The following CATSPER4 variants were observed in gnomAD, a reference collection of about 807,000 sequenced individuals.
CATSPER4 encodes the protein cation channel sperm associated 4, also known as cation channel sperm-associated protein 4.
Under a neutral mutation model 54.4 loss-of-function variants are expected in CATSPER4, and 46 were observed. The observed-to-expected ratio is 0.84, with a 90% CI of 0.67 to 1.08. The LOEUF (loss-of-function observed/expected upper bound fraction) is 1.08, where lower values mean the gene tolerates loss of function less well. Ranked by LOEUF, CATSPER4 falls within the 50% of genes least tolerant of loss-of-function variation. The pLI, the probability that CATSPER4 is intolerant of heterozygous loss-of-function variation, is 0.00. For synonymous variants in CATSPER4, 230 were observed against 231.9 expected, an observed-to-expected ratio of 0.99 and a Z score of 0.08; for missense variants, 574 against 612.8, an observed-to-expected ratio of 0.94 and a Z score of 0.67.
chr1:26,194,134 C>T (rs2088906578), intron 3 of CATSPER4, among the ~76,000 whole-genome samples: 1 of 152,250 alleles, frequency 6.6e-6, no homozygotes, highest in Admixed American at 6.5e-5. Context: ...ACAAACCTGA[C>T]TTCCTTGTCT....
At position 26,200,048 on chromosome 1, in the gene CATSPER4, C is replaced by A. The variant is rs192364229; in HGVS notation, c.977C>A (p.Thr326Asn). The change falls in exon 7 of 10, where the codon ACC (threonine) becomes AAC (asparagine). Residue 326 changes from threonine to asparagine, a missense_variant. Physicochemically the swap from Thr to Asn is moderately conservative, Grantham distance 65. Coordinates refer to ENST00000456354, the MANE Select transcript of CATSPER4 (RefSeq NM_198137.2). ...AGEQGQQQRI[T>N]FSETGAEEEE... ...GAGCAGGGACAACAGCAACGAATAA[C>A]CTTTAGTGAGGTGCGTGGGATGGGG... 165 of 1,613,354 alleles carry A rather than the reference C, an allele frequency of 1.0e-4. No individual in the cohort carries two copies. The East Asian group carries it at 3.0e-3, about 30-fold the overall frequency.
At chr1:26,200,577 A>G (rs906662941) in intron 7 of CATSPER4, among the ~76,000 whole-genome samples, 23 of 150,934 alleles carry the variant, frequency 1.5e-4, no homozygotes, top group Non-Finnish European at 2.8e-4. Context: ...GGTAGGGTTT[A>G]TCAGGGTTGA....
rs544019345 is a variant in CATSPER4, at chr1:26,191,346, C to G, written c.273C>G (p.His91Gln). 2 of 1,614,178 alleles carry G rather than the reference C, an allele frequency of 1.2e-6. No homozygotes were observed. The highest frequency in any genetic ancestry group is 1.1e-5 in the South Asian group (1 of 91,090). The change falls in exon 2 of 10, where the codon CAC becomes CAG. Residue 91 changes from histidine (H) to glutamine (Q), a missense_variant. Transcript: ENST00000456354. The stretch of plus-strand genomic sequence containing the variant: ...TGTACATCAAGCAGCTGCTCCGACA[C>G]CCCGCCTTCCAACTGCTGCTGGCCC... Reference protein sequence around the residue: ...THMYIKQLLRHPAFQLLLALL... With the variant: ...THMYIKQLLRQPAFQLLLALL...
At chr1:26,192,872 A>G (rs2088887774) in intron 2 of CATSPER4, among the ~76,000 whole-genome samples, 1 of 151,958 alleles carries the variant, frequency 6.6e-6, no homozygotes. Flanking sequence ...TGAGAGGTCA[A>G]GACAGGCAGA....
chr1:26,199,395 G>A (rs557852679), intron 6 of CATSPER4, among the ~76,000 whole-genome samples: 1 of 149,010 alleles, frequency 6.7e-6, no homozygotes, highest in East Asian at 2.0e-4. Context: ...TCACGCCACT[G>A]CACTCCAGCT....
chr1:26,201,208 T>C (rs869139), intron 8 of CATSPER4, 146 bp from the exon 9 acceptor site: 423,779 of 988,118 alleles, frequency 0.43, 98,087 homozygotes, highest in African/African-American at 0.68. Flanking sequence ...CCAGGTTCCT[T>C]CCATCTCACA....
In CATSPER4 at chr1:26,201,061, C is replaced by T. The variant is rs370284497; in HGVS notation, c.1199+20C>T. ...CAACATGTAGGGGAGGGTACTGGGG[C>T]TGCCCCCAAGTCATGTGAGTCAAGG... On this transcript the variant is annotated intron_variant, in intron 8 of 9. Coordinates refer to ENST00000456354, the MANE Select transcript of CATSPER4 (RefSeq NM_198137.2). The T allele has an allele frequency of 6.3e-7, 1 of 1,586,660 alleles. No individual in the cohort carries two copies. Among genetic ancestry groups the T allele is most frequent in the African/African-American group, 1.3e-5 (1 of 74,532 alleles).
Position 26,200,959 on chromosome 1 carries a change from A to T in CATSPER4, c.1117A>T (p.Thr373Ser). 1 of 1,614,118 alleles carries T rather than the reference A, an allele frequency of 6.2e-7. No individual in the cohort carries two copies. The highest frequency in any genetic ancestry group is 8.5e-7 in the Non-Finnish European group (1 of 1,180,036). The part of the protein sequence containing the change: ...GGPLSNLSEN[T>S]CDNFCLVLEA... ...CCCCCTGTCGAACCTCTCAGAAAAC[A>T]CGTGTGACAACTTTTGCTTGGTGCT... is the stretch of plus-strand genomic sequence containing the variant. Residue 373 changes from threonine (T) to serine (S), a missense_variant, in exon 8 of 10, where the codon ACG becomes TCG. By Grantham distance (58) the Thr-to-Ser change is moderately conservative. Transcript: ENST00000456354.
chr1:26,192,132 T>TC (rs1339627744), intron 2 of CATSPER4, among the ~76,000 whole-genome samples: 2 of 150,036 alleles, frequency 1.3e-5, no homozygotes, highest in East Asian at 3.9e-4. Flanking sequence ...TTAATTTCTT[T>TC]TTTTTTTTTT....
Position 26,198,364 on chromosome 1 carries a change from A to T in CATSPER4, c.757A>T (p.Thr253Ser), listed in dbSNP as rs1358259571. 2 of 1,613,984 alleles carry T rather than the reference A, an allele frequency of 1.2e-6. No homozygotes were observed. ...CCAGAACATACAGGTTGCGCTGTAC[A>T]CCCTCTTCATCTGCATCACCCAGGA... ...HFQNIQVALY[T>S]LFICITQDGW... Residue 253 changes from threonine (T) to serine (S), a missense_variant, in exon 6 of 10, where the codon ACC becomes TCC. Thr to Ser is a moderately conservative substitution (Grantham distance 58). Coordinates refer to ENST00000456354, the MANE Select transcript of CATSPER4 (RefSeq NM_198137.2).
intron 3 of CATSPER4, among the ~76,000 whole-genome samples, chr1:26,194,886 A>T (rs1048217330): frequency 6.6e-6 from 1 of 152,118 alleles, no homozygotes; most frequent in African/African-American, 2.4e-5. Context: ...TAGGAGTTTG[A>T]GACAGACTGG....
At position 26,197,688 on chromosome 1, in the gene CATSPER4, C is replaced by T. The variant is rs145264005; in HGVS notation, c.462C>T (p.Asp154=). Residue 154 remains aspartate (D), a splice_region_variant and synonymous_variant, in exon 4 of 10, where the codon GAC becomes GAT. Transcript: ENST00000456354. The part of the protein sequence containing the change: ...WLNGFWIFWK[D]GWNILNFIIV... ...ACTGGGGCTGGCCCACTCCCCAGGA[C>T]GGCTGGAACATCCTCAACTTCATTA... is the stretch of plus-strand genomic sequence containing the variant. 5.1e-5 allele frequency: 83 copies of T among 1,612,324 alleles called. No homozygotes were observed. Among genetic ancestry groups the T allele is most frequent in the South Asian group, 3.0e-4 (27 of 90,994 alleles).
intron 7 of CATSPER4, among the ~76,000 whole-genome samples, chr1:26,200,350 A>G (rs180887158): frequency 2.0e-5 from 3 of 152,290 alleles, no homozygotes; most frequent in East Asian, 3.9e-4. Flanking sequence ...TAAAATGGGA[A>G]TAATAATAGT....
chr1:26,201,690 CTTTT>C (rs57008544), intron 9 of CATSPER4, 171 bp downstream of exon 9: 471 of 396,376 alleles, frequency 1.2e-3, no homozygotes, highest in Middle Eastern at 2.4e-3. Context: ...TCTTTCTTTC[CTTTT>C]TTTTTTTTTT....
rs1378346431 is a variant in CATSPER4 at position 26,191,257 on chromosome 1, T to C, written c.214-30T>C. 3.1e-6 allele frequency: 5 copies of C among 1,613,286 alleles called. No individual in the cohort carries two copies. In the African/African-American group the frequency reaches 6.7e-5, roughly 22 times the overall value. Reference sequence around the variant, plus strand: ...GGCAGAGGCTTCCTATGGTGACACCTGCCTGAAGGAAGGTCCTGCCCTCTT... The same window carrying C: ...GGCAGAGGCTTCCTATGGTGACACCCGCCTGAAGGAAGGTCCTGCCCTCTT... On this transcript the variant is annotated intron_variant, in intron 1 of 9. Transcript: ENST00000456354.
chr1:26,199,941 C>A lies in CATSPER4; in HGVS notation c.870C>A (p.Phe290Leu). Residue 290 changes from phenylalanine to leucine, a missense_variant, in exon 7 of 10, where the codon TTC becomes TTA. Coordinates refer to ENST00000456354, the MANE Select transcript of CATSPER4 (RefSeq NM_198137.2). Reference protein sequence around the residue: ...EIGGAIYFTIFITIGAFIGIN... With the variant: ...EIGGAIYFTILITIGAFIGIN... Reference sequence around the variant, plus strand: ...GGGGTGCCATCTACTTTACCATCTTCATCACCATCGGTGCCTTCATTGGCA... The same window carrying A: ...GGGGTGCCATCTACTTTACCATCTTAATCACCATCGGTGCCTTCATTGGCA... 6.2e-7 allele frequency: 1 copy of A among 1,614,216 alleles called. No homozygotes were observed. Among genetic ancestry groups the A allele is most frequent in the Non-Finnish European group, 8.5e-7 (1 of 1,180,034 alleles).
rs775654140 is a variant in CATSPER4, at chr1:26,202,485, G to C, written c.1366-4G>C. ...GATTAACAAGAAGACCTCTTGGTTTGCAGGTTCATGACTCTAGCTCACAAA... is the reference window on the plus strand; with the variant it reads ...GATTAACAAGAAGACCTCTTGGTTTCCAGGTTCATGACTCTAGCTCACAAA... On this transcript the variant is annotated splice_region_variant and splice_polypyrimidine_tract_variant and intron_variant, in intron 9 of 9. Coordinates refer to ENST00000456354, the MANE Select transcript of CATSPER4 (RefSeq NM_198137.2). 1.2e-6 allele frequency: 2 copies of C among 1,611,238 alleles called. No homozygotes were observed. Among genetic ancestry groups the C allele is most frequent in the East Asian group, 4.5e-5 (2 of 44,856 alleles).
chr1:26,202,898 A>G lies in CATSPER4; in HGVS notation c.*356A>G. 1 of 356,292 alleles carries G rather than the reference A, an allele frequency of 2.8e-6. No individual in the cohort carries two copies. The highest frequency in any genetic ancestry group is 3.7e-5 in the South Asian group (1 of 27,346). 22.1% of individuals were successfully genotyped at this position (356,292 alleles called of 1,614,324 possible). ...GGGGGCCTCAGTGGGCCCCAGAACC[A>G]AGAAGAGAAAGGCAAGGCCAGTGGG... On this transcript the variant is annotated 3_prime_UTR_variant, in exon 10 of 10. Transcript: ENST00000456354.
chr1:26,191,598 G>C (rs903864098), intron 2 of CATSPER4, among the ~76,000 whole-genome samples, 168 bp downstream of exon 2: 6 of 152,234 alleles, frequency 3.9e-5, no homozygotes, highest in African/African-American at 1.4e-4. Context: ...AAGACTTCAT[G>C]ATGGAGAGGG....
Sources: gnomAD v4.1 joint callset for allele counts (sites outside exome capture counted in the v4.1 genomes callset) on GRCh38, gnomAD v4.1.1 for gene constraint, MANE v1.5 for transcripts, NCBI Gene and HGNC (gene_info 2026-07-23, HGNC 2026-07-21) for gene names.